Variants in TEKT3 observed in about 807,000 individuals in gnomAD.
TEKT3 encodes tektin 3, also known as tektin-3.
Under a neutral mutation model 49.8 loss-of-function variants are expected in TEKT3, and 49 were observed. The observed-to-expected ratio is 0.98, with a 90% CI of 0.78 to 1.25. The LOEUF (loss-of-function observed/expected upper bound fraction) is 1.25, where lower values mean the gene tolerates loss of function less well. Ranked by LOEUF, TEKT3 falls within the 50% of genes most tolerant of loss-of-function variation. TEKT3 has a pLI of 0.00. For missense variants in TEKT3, 595 were observed against 629.5 expected (o/e 0.95, Z 0.59); for synonymous variants, 225 against 237.2 (o/e 0.95, Z 0.47).
In TEKT3 at chr17:15,308,621, G is replaced by C. The variant is rs759697197; in HGVS notation, c.1256+43C>G. ...AGAGCCAGGCACCACAGTTGGTCTG[G>C]TGGCCCTCCGAGCGAGCCCCGAGCC... On this transcript the variant is annotated intron_variant, in intron 8 of 8. Coordinates refer to ENST00000395930, the MANE Select transcript of TEKT3 (RefSeq NM_031898.3). 19 of 1,585,376 alleles carry C rather than the reference G, an allele frequency of 1.2e-5. 1 individual carries two copies. Among genetic ancestry groups the C allele is most frequent in the Non-Finnish European group, 1.6e-5 (19 of 1,161,344 alleles).
chr17:15,328,094 T>C lies in TEKT3; in HGVS notation c.580-19A>G. On this transcript the variant is annotated intron_variant, in intron 3 of 8. Coordinates refer to ENST00000395930, the MANE Select transcript of TEKT3 (RefSeq NM_031898.3). Reference sequence around the variant, plus strand: ...GGGCTACCTACAGATACACAGATAATGGAAAGCACTAATAAAAACTGACAA... The same window carrying C: ...GGGCTACCTACAGATACACAGATAACGGAAAGCACTAATAAAAACTGACAA... 1.9e-6 allele frequency: 3 copies of C among 1,603,586 alleles called. No homozygotes were observed. Among genetic ancestry groups the C allele is most frequent in the Non-Finnish European group, 2.6e-6 (3 of 1,170,670 alleles).
intron 8 of TEKT3, chr17:15,307,026 T>C (rs1910581166): frequency 6.6e-6 from 1 of 152,338 alleles, no homozygotes; most frequent in Middle Eastern, 3.4e-3. Context: ...ATGGCCTAGA[T>C]AACAGCTCCA....
At chr17:15,320,554 T>G (rs230888) in intron 4 of TEKT3, among the ~76,000 whole-genome samples, 14,402 of 152,266 alleles carry the variant, frequency 0.095, 828 homozygotes, top group East Asian at 0.22. Context: ...GAAGTATTAC[T>G]CACCTATGTA....
chr17:15,309,857 A>G (rs1235052664), intron 7 of TEKT3, among the ~76,000 whole-genome samples: 3 of 151,988 alleles, frequency 2.0e-5, no homozygotes, highest in African/African-American at 4.8e-5. Flanking sequence ...TAAGACCCTC[A>G]TCTTGTTTTC....
Position 15,303,902 on chromosome 17 carries a change from C to T in TEKT3, c.*34G>A. ...AGACAGTGCTCTGGCTCAGCCTTAA[C>T]TTAGGGGTATCAAAACCACACCCGG... On this transcript the variant is annotated 3_prime_UTR_variant, in exon 9 of 9. Transcript: ENST00000395930. 6.3e-7 allele frequency: 1 copy of T among 1,599,248 alleles called. No homozygotes were observed.
At chr17:15,337,842 A>G (rs962523460) in intron 2 of TEKT3, among the ~76,000 whole-genome samples, 1 of 152,210 alleles carries the variant, frequency 6.6e-6, no homozygotes, top group African/African-American at 2.4e-5. Context: ...CTCCATCTCA[A>G]GAGAAAAGAA....
intron 8 of TEKT3, among the ~76,000 whole-genome samples, chr17:15,306,547 G>T (rs890945998): frequency 7.3e-6 from 1 of 137,644 alleles, no homozygotes; most frequent in Non-Finnish European, 1.6e-5. Context: ...ATTCTGTTTA[G>T]CCAGGAATAG....
rs1567580541 is a variant in TEKT3 at position 15,326,140 on chromosome 17, G to GT, written c.663+1851dup. Among the ~76,000 whole-genome samples, 3 of 152,170 alleles carry GT rather than the reference G, an allele frequency of 2.0e-5. No homozygotes were observed. The East Asian group carries it at 5.8e-4, about 29-fold the overall frequency. ...TAATGTCATGGGTCACTAAGAAAATGTAAGTGATGTTAAAGCAGGGTGTTG... is the reference window on the plus strand; with the variant it reads ...TAATGTCATGGGTCACTAAGAAAATGTTAAGTGATGTTAAAGCAGGGTGTTG... On this transcript the variant is annotated intron_variant, in intron 4 of 8. Transcript: ENST00000395930.
At chr17:15,317,791 C>A (rs1911070738) in intron 5 of TEKT3, among the ~76,000 whole-genome samples, 1 of 151,886 alleles carries the variant, frequency 6.6e-6, no homozygotes, top group Admixed American at 6.6e-5. Context: ...TATTATTATT[C>A]TTCCCCCTCC....
upstream of TEKT3, among the ~76,000 whole-genome samples, chr17:15,343,309 A>C (rs1008173327): frequency 9.2e-5 from 14 of 152,228 alleles, no homozygotes; most frequent in African/African-American, 3.4e-4. Context: ...TAAATTGATC[A>C]ACTCTGTTCT....
At chr17:15,333,169 G>A (rs1472317244) in intron 2 of TEKT3, among the ~76,000 whole-genome samples, 1 of 151,964 alleles carries the variant, frequency 6.6e-6, no homozygotes. Context: ...AGACCACTAC[G>A]TATCTTTTAG....
chr17:15,312,358 A>G lies in TEKT3; in HGVS notation c.1002T>C (p.Asn334=). 3 of 1,613,602 alleles carry G rather than the reference A, an allele frequency of 1.9e-6. No individual in the cohort carries two copies. The highest frequency in any genetic ancestry group is 1.7e-4 in the Middle Eastern group (1 of 6,060). The part of the protein sequence containing the change: ...DIENLLVVTA[N]EMWNQFNKVN... ...CTTTGTTGAATTGATTCCACATCTC[A>G]TTGGCAGTCACAACCAAGAGGTTTT... The change falls in exon 7 of 9, where the codon AAT becomes AAC. Residue 334 remains asparagine, a synonymous_variant. Transcript: ENST00000395930.
intron 2 of TEKT3, among the ~76,000 whole-genome samples, chr17:15,334,691 G>A (rs553641844): frequency 1.8e-4 from 27 of 152,290 alleles, no homozygotes; most frequent in Non-Finnish European, 3.2e-4. Context: ...CACAGAAGTA[G>A]AACTCCTCAT....
intron 4 of TEKT3, among the ~76,000 whole-genome samples, chr17:15,322,593 T>C (rs1911313323): frequency 1.3e-5 from 2 of 152,194 alleles, no homozygotes; most frequent in Non-Finnish European, 2.9e-5. Context: ...GTTGTGGATA[T>C]AAAATCATTA....
intron 2 of TEKT3, among the ~76,000 whole-genome samples, chr17:15,337,767 G>A (rs1193635406): frequency 6.6e-6 from 1 of 152,102 alleles, no homozygotes; most frequent in Non-Finnish European, 1.5e-5. Context: ...CTTGAACCTG[G>A]GAGGCGGAGG....
chr17:15,328,016 A>G lies in TEKT3; in HGVS notation c.639T>C (p.Asp213=), dbSNP rs1231965713. ...CCGTCAGCAGTTGTGCTTCAACTTC[A>G]TCGTGAACTAGGTCGATTCCCATTC... ...EKRMGIDLVH[D]EVEAQLLTEV... The change falls in exon 4 of 9, where the codon GAT becomes GAC. Residue 213 remains aspartate (D), a synonymous_variant. Coordinates refer to ENST00000395930, the MANE Select transcript of TEKT3 (RefSeq NM_031898.3). 3.7e-6 allele frequency: 6 copies of G among 1,614,058 alleles called. No individual in the cohort carries two copies. Among genetic ancestry groups the G allele is most frequent in the Non-Finnish European group, 8.5e-7 (1 of 1,179,956 alleles).
chr17:15,324,905 C>T (rs1276355477), intron 4 of TEKT3, among the ~76,000 whole-genome samples: 1 of 152,024 alleles, frequency 6.6e-6, no homozygotes, highest in Non-Finnish European at 1.5e-5. Flanking sequence ...ACAGTTTTAG[C>T]TCTTATGTAT....
In TEKT3 at chr17:15,318,809, A is replaced by G. The variant is rs972017010; in HGVS notation, c.734+268T>C. Among the ~76,000 whole-genome samples the G allele has an allele frequency of 3.3e-5, 5 of 152,274 alleles. No individual in the cohort carries two copies. The East Asian group carries it at 9.6e-4, about 29-fold the overall frequency. On this transcript the variant is annotated intron_variant, in intron 5 of 8. Transcript: ENST00000395930. ...CCTGCCTTAATTTCCCAAAATGTCTATTTGTATTATTTTAAAAAATGTTTA... is the reference window on the plus strand; with the variant it reads ...CCTGCCTTAATTTCCCAAAATGTCTGTTTGTATTATTTTAAAAAATGTTTA...
chr17:15,309,711 G>A (rs540795691), intron 7 of TEKT3, among the ~76,000 whole-genome samples: 35 of 152,122 alleles, frequency 2.3e-4, no homozygotes, highest in African/African-American at 8.2e-4. Context: ...ATTCAACCAT[G>A]GCTGTGCCCA....
Sources: gnomAD v4.1 joint callset for allele counts (sites outside exome capture counted in the v4.1 genomes callset) on GRCh38, gnomAD v4.1.1 for gene constraint, MANE v1.5 for transcripts, NCBI Gene and HGNC (gene_info 2026-07-23, HGNC 2026-07-21) for gene names.